Variants in UHRF1 observed in about 807,000 individuals in gnomAD.
UHRF1 encodes ubiquitin like with PHD and ring finger domains 1.
In UHRF1, 9 loss-of-function variants were observed where a neutral mutation model predicts 96.5. The observed-to-expected ratio is 0.09, with a 90% confidence interval of 0.06 to 0.16. The LOEUF is 0.16. Among genes scored for constraint, UHRF1 ranks in the 10% least tolerant of loss-of-function variants. The probability of loss-of-function intolerance (pLI) is 1.00; values close to 1 mark genes in which losing one functional copy is unlikely to be tolerated. For missense variants in UHRF1, 626 were observed against 1,131.1 expected, an observed-to-expected ratio of 0.55 and a Z score of 6.40; for synonymous variants, 455 against 469.9, an observed-to-expected ratio of 0.97 and a Z score of 0.41.
chr19:4,925,627 T>G (rs2032843401), intron 2 of UHRF1, among the ~76,000 whole-genome samples: 1 of 152,142 alleles, frequency 6.6e-6, no homozygotes, highest in African/African-American at 2.4e-5. Flanking sequence ...GTTCAAGCAA[T>G]TCTCCTGCCT....
intron 2 of UHRF1, among the ~76,000 whole-genome samples, chr19:4,919,888 A>G (rs1221856170): frequency 2.7e-5 from 4 of 149,280 alleles, no homozygotes; most frequent in African/African-American, 7.4e-5. Context: ...CGTGATCTCA[A>G]CTCACTGCAC....
chr19:4,957,297 GTTTTTTTTTTTTTT>G (rs59654364), intron 16 of UHRF1, among the ~76,000 whole-genome samples: 3 of 51,034 alleles, frequency 5.9e-5, no homozygotes, highest in African/African-American at 1.6e-4. Flanking sequence ...CCAGCTGATG[GTTTTTTTTTTTTTT>G]TTTTTTTTTT....
intron 11 of UHRF1, among the ~76,000 whole-genome samples, chr19:4,950,105 A>G (rs1392223275): frequency 6.7e-6 from 1 of 150,194 alleles, no homozygotes; most frequent in African/African-American, 2.5e-5. Flanking sequence ...TCCTGGGCTC[A>G]GGCAATCCTC....
chr19:4,903,349 G>A (rs1314020998), exon 1 of UHRF1: 1 of 160,006 alleles, frequency 6.2e-6, no homozygotes, highest in Non-Finnish European at 1.4e-5. Flanking sequence ...GTCTCATTCT[G>A]TCACCCAGGC....
In UHRF1 at chr19:4,938,730, GTTTTTTTT is replaced by G. The variant is rs71170880; in HGVS notation, c.786-2774_786-2767del. Among the ~76,000 whole-genome samples, 410 of 61,558 alleles carry G rather than the reference GTTTTTTTT, an allele frequency of 6.7e-3. 1 individual carries two copies. Among genetic ancestry groups the G allele is most frequent in the African/African-American group, 0.027 (374 of 14,040 alleles). The allele number at this position is 61,558 out of a possible 152,430, so 40.4% of individuals were successfully genotyped here. On this transcript the variant is annotated intron_variant, in intron 5 of 16. Coordinates refer to ENST00000650932, the MANE Select transcript of UHRF1 (RefSeq NM_001048201.3). Reference sequence around the variant, plus strand: ...GGCATAAGAGTTTTGTTTTGGTCAGGTTTTTTTTTTTTTTTTTTTTTTTTTTTTTTTGA... The same window carrying G: ...GGCATAAGAGTTTTGTTTTGGTCAGGTTTTTTTTTTTTTTTTTTTTTTTGA...
chr19:4,954,224 T>C lies in UHRF1; in HGVS notation c.1819-126T>C. 7.2e-7 allele frequency: 1 copy of C among 1,395,948 alleles called. No homozygotes were observed. The highest frequency in any genetic ancestry group is 9.7e-7 in the Non-Finnish European group (1 of 1,029,820). The allele number at this position is 1,395,948 out of a possible 1,614,324, so 86.5% of individuals were successfully genotyped here. Reference sequence around the variant, plus strand: ...TAGATAAGGGAGGACTACCCTGTGCTCTTCAGGGGGATTGGGGGTCAGGTG... The same window carrying C: ...TAGATAAGGGAGGACTACCCTGTGCCCTTCAGGGGGATTGGGGGTCAGGTG... On this transcript the variant is annotated intron_variant, in intron 13 of 16. Transcript: ENST00000650932. The surrounding 1 kb of genome is among the most constrained non-coding windows in gnomAD (Gnocchi z 5.9).
intron 4 of UHRF1, among the ~76,000 whole-genome samples, chr19:4,931,713 C>T (rs1179011279): frequency 1.3e-5 from 2 of 151,842 alleles, no homozygotes; most frequent in East Asian, 1.9e-4. Flanking sequence ...GTGTTCCGCC[C>T]GCCTCAGCCT....
chr19:4,944,538 G>A, intron 9 of UHRF1, 88 bp downstream of exon 9: 2 of 1,447,272 alleles, frequency 1.4e-6, no homozygotes, highest in South Asian at 1.2e-5. Context: ...GCCAGCCAGG[G>A]GTCAGGGTGG....
At position 4,954,637 on chromosome 19, in the gene UHRF1, C is replaced by T. The variant is rs1257342636; in HGVS notation, c.1958-13C>T. The T allele has an allele frequency of 4.3e-6, 7 of 1,611,412 alleles. No individual in the cohort carries two copies. Among genetic ancestry groups the T allele is most frequent in the Non-Finnish European group, 5.9e-6 (7 of 1,178,810 alleles). On this transcript the variant is annotated splice_polypyrimidine_tract_variant and intron_variant, in intron 14 of 16. Coordinates refer to ENST00000650932, the MANE Select transcript of UHRF1 (RefSeq NM_001048201.3). The surrounding 1 kb of genome is among the most constrained non-coding windows in gnomAD (Gnocchi z 5.9). ...CCACGCGCCCCTCCCTCACGCGCCC[C>T]ACCCTCTTCCAGGAGGTGGCCCGAG...
intron 2 of UHRF1, among the ~76,000 whole-genome samples, chr19:4,913,636 A>T (rs2602709): frequency 0.37 from 56,898 of 151,748 alleles, 11,235 homozygotes; most frequent in African/African-American, 0.5. Context: ...CCCGGACTGA[A>T]CAGGGAGCTG....
chr19:4,926,802 C>A (rs1015327386), intron 2 of UHRF1, among the ~76,000 whole-genome samples: 1 of 151,766 alleles, frequency 6.6e-6, no homozygotes, highest in Non-Finnish European at 1.5e-5. Flanking sequence ...CAGTGGCTCA[C>A]GCCTGTAATC....
intron 2 of UHRF1, among the ~76,000 whole-genome samples, chr19:4,914,037 A>T (rs2032394563): frequency 6.6e-6 from 1 of 150,584 alleles, no homozygotes; most frequent in Non-Finnish European, 1.5e-5. Context: ...CTGGTCTCGA[A>T]CTCCCGACCT....
upstream of UHRF1, among the ~76,000 whole-genome samples, chr19:4,905,441 C>T (rs958990692): frequency 2.4e-4 from 37 of 151,190 alleles, no homozygotes; most frequent in African/African-American, 8.8e-4. Context: ...TTTCTTAAAA[C>T]ATTATGAGAT....
Position 4,914,315 on chromosome 19 carries a change from C to G in UHRF1, c.153+3277C>G, listed in dbSNP as rs111955076. ...AGCGTGAAGTCTGCAGGCACCCAGG[C>G]TAACGTGATAGAAAGCAACACAGTT... On this transcript the variant is annotated intron_variant, in intron 2 of 16. Transcript: ENST00000650932. Among the ~76,000 whole-genome samples the G allele has an allele frequency of 1.9e-3, 289 of 152,220 alleles. 1 individual carries two copies. The highest frequency in any genetic ancestry group is 6.8e-3 in the African/African-American group (282 of 41,548).
chr19:4,931,043 G>C (rs2033035102), intron 4 of UHRF1, among the ~76,000 whole-genome samples, 167 bp downstream of exon 4: 1 of 152,180 alleles, frequency 6.6e-6, no homozygotes, highest in Non-Finnish European at 1.5e-5. Context: ...TTGGGGACTA[G>C]CCTGGGGACC....
rs371556927 is a variant in UHRF1, at chr19:4,941,618, C to A, written c.876C>A (p.Asn292Lys). 5 of 1,613,202 alleles carry A rather than the reference C, an allele frequency of 3.1e-6. No individual in the cohort carries two copies. Among genetic ancestry groups the A allele is most frequent in the Non-Finnish European group, 4.2e-6 (5 of 1,179,580 alleles). ...RPGEGSPMVD[N>K]PMRRKSGPSC... Reference sequence around the variant, plus strand: ...GTGAAGGGAGCCCCATGGTTGACAACCCCATGAGACGTGAGTTCTGAGCCA... The same window carrying A: ...GTGAAGGGAGCCCCATGGTTGACAAACCCATGAGACGTGAGTTCTGAGCCA... The change falls in exon 6 of 17, where the codon AAC becomes AAA. Residue 292 changes from asparagine to lysine, a missense_variant. Asn to Lys is a moderately conservative substitution (Grantham distance 94). Around this residue, in one of 11 missense-constraint regions of UHRF1, gnomAD observed 198 missense variants for 235.1 expected, o/e 0.84. Coordinates refer to ENST00000650932, the MANE Select transcript of UHRF1 (RefSeq NM_001048201.3).
chr19:4,942,000 G>T, intron 7 of UHRF1, 69 bp downstream of exon 7: 1 of 1,402,430 alleles, frequency 7.1e-7, no homozygotes, highest in Non-Finnish European at 9.3e-7. Flanking sequence ...GGGCACTGAG[G>T]AGATACAGGA....
rs756579345 is a variant in UHRF1 at position 4,930,683 on chromosome 19, G to T, written c.409-33G>T. The T allele has an allele frequency of 6.2e-7, 1 of 1,607,152 alleles. No homozygotes were observed. Among genetic ancestry groups the T allele is most frequent in the East Asian group, 2.2e-5 (1 of 44,636 alleles). On this transcript the variant is annotated intron_variant, in intron 3 of 16. Transcript: ENST00000650932. This position sits in a 1 kb window ranked among gnomAD's most constrained non-coding sequence, Gnocchi z 4.4. ...GTCTCCCGTCAGTTTTCCTCACCCC[G>T]TTGGGATGCCAGACTTCCCTCATTC...
intron 4 of UHRF1, among the ~76,000 whole-genome samples, chr19:4,931,229 C>G (rs2033041708): frequency 6.6e-6 from 1 of 152,184 alleles, no homozygotes; most frequent in Non-Finnish European, 1.5e-5. Flanking sequence ...TGGGCACTTC[C>G]TACCTGCCAA....
Sources: allele counts gnomAD v4.1 joint callset (sites outside exome capture counted in the v4.1 genomes callset), GRCh38; gene constraint gnomAD v4.1.1; regional missense constraint gnomAD v4.1.1; non-coding constraint Gnocchi (gnomAD v3.1); transcripts MANE v1.5; gene names NCBI Gene and HGNC (gene_info 2026-07-23, HGNC 2026-07-21).